Variants in PLGRKT observed in about 807,000 individuals in gnomAD.
The protein encoded by PLGRKT is plasminogen receptor with a C-terminal lysine.
A neutral mutation model predicts 18.5 loss-of-function variants in PLGRKT; 22 were observed. The ratio of observed to expected loss-of-function variants is 1.19; its 90% CI spans 0.85 to 1.70. PLGRKT has a LOEUF of 1.70. Among genes scored for constraint, PLGRKT ranks in the 40% most tolerant of loss-of-function variants. The pLI is 0.00. For missense variants in PLGRKT, 235 were observed against 174.4 expected (o/e 1.35, Z -1.96); for synonymous variants, 72 against 52.8 (o/e 1.36, Z -1.58).
At position 5,418,865 on chromosome 9, in the gene PLGRKT, G is replaced by T; in HGVS notation, c.81+13032C>A. Reference sequence around the variant, plus strand: ...TTCTGGCTGGTCCTCGTCTGCTGGAGGCAAACTGAACAGCAGGTGTGCTTG... The same window carrying T: ...TTCTGGCTGGTCCTCGTCTGCTGGATGCAAACTGAACAGCAGGTGTGCTTG... On this transcript the variant is annotated intron_variant, in intron 3 of 5. Coordinates refer to ENST00000223864, the MANE Select transcript of PLGRKT (RefSeq NM_018465.4). The surrounding 1 kb of genome is among the most constrained non-coding windows in gnomAD (Gnocchi z 4.2). 1 of 1,041,726 alleles carries T rather than the reference G, an allele frequency of 9.6e-7. No individual in the cohort carries two copies. The highest frequency in any genetic ancestry group is 1.5e-6 in the Non-Finnish European group (1 of 670,794). 64.5% of individuals were successfully genotyped at this position (1,041,726 alleles called of 1,614,324 possible).
upstream of PLGRKT, among the ~76,000 whole-genome samples, chr9:5,438,241 C>T (rs1026357844): frequency 6.6e-6 from 1 of 152,222 alleles, no homozygotes; most frequent in Non-Finnish European, 1.5e-5. Context: ...AGCCGTCTTT[C>T]TCCCCTGCTG....
chr9:5,399,509 G>C (rs552640969), intron 3 of PLGRKT, among the ~76,000 whole-genome samples: 3 of 151,788 alleles, frequency 2.0e-5, no homozygotes, highest in South Asian at 4.2e-4. Flanking sequence ...GTGACAGTTA[G>C]TGAATATGAA....
Position 5,361,142 on chromosome 9 carries a change from T to A in PLGRKT, c.258A>T (p.Pro86=). 6.2e-7 allele frequency: 1 copy of A among 1,612,074 alleles called. No homozygotes were observed. Among genetic ancestry groups the A allele is most frequent in the African/African-American group, 1.3e-5 (1 of 74,982 alleles). The stretch of plus-strand genomic sequence containing the variant: ...ACTGGTAGGTGAGGATAAAGCTTAA[T>A]GGAACAATCGGGACCAGGAAGGCTG... ...KKPAFLVPIV[P]LSFILTYQYD... Residue 86 remains proline (P), a synonymous_variant, in exon 5 of 6, where the codon CCA becomes CCT. Transcript: ENST00000223864.
At chr9:5,431,869 A>G (rs1818833106) in intron 3 of PLGRKT, 28 bp downstream of exon 3, 10 of 1,098,546 alleles carry the variant, frequency 9.1e-6, no homozygotes, top group Non-Finnish European at 1.4e-5. Context: ...TTGTAACAAC[A>G]TAATAGCTTA....
chr9:5,411,071 A>G (rs895441312), intron 3 of PLGRKT, among the ~76,000 whole-genome samples: 3 of 152,132 alleles, frequency 2.0e-5, no homozygotes, highest in Non-Finnish European at 4.4e-5. Context: ...CAAATAAGAG[A>G]AAAGAAAGCA....
intron 3 of PLGRKT, among the ~76,000 whole-genome samples, chr9:5,396,515 G>A (rs7024866): frequency 0.36 from 54,918 of 151,504 alleles, 11,806 homozygotes; most frequent in African/African-American, 0.57. Context: ...GGCTGGTCTC[G>A]ATCTCCTAAC....
chr9:5,394,905 C>T (rs1035068306), intron 3 of PLGRKT, among the ~76,000 whole-genome samples: 11 of 151,704 alleles, frequency 7.3e-5, no homozygotes, highest in African/African-American at 1.2e-4. Context: ...CTGACTGCAA[C>T]GGAGCCTCAG....
chr9:5,369,123 A>G (rs1413837409), intron 3 of PLGRKT, among the ~76,000 whole-genome samples: 3 of 152,222 alleles, frequency 2.0e-5, no homozygotes, highest in Admixed American at 6.5e-5. Context: ...TCATCAAACT[A>G]AAGAGCTTCT....
intron 1 of PLGRKT, 176 bp downstream of exon 1, chr9:5,437,613 G>A (rs1818985836): frequency 6.6e-6 from 1 of 152,296 alleles, no homozygotes; most frequent in Non-Finnish European, 1.5e-5. Flanking sequence ...GCGCTCTAAT[G>A]GAACGAAGTT....
chr9:5,377,048 T>C (rs1387837429), intron 3 of PLGRKT, among the ~76,000 whole-genome samples: 1 of 152,196 alleles, frequency 6.6e-6, no homozygotes, highest in Non-Finnish European at 1.5e-5. Context: ...TCAGGCTGCC[T>C]GGGAAGTTAG....
At chr9:5,402,577 G>A (rs1366025280) in intron 3 of PLGRKT, among the ~76,000 whole-genome samples, 1 of 151,894 alleles carries the variant, frequency 6.6e-6, no homozygotes, top group African/African-American at 2.4e-5. Flanking sequence ...AAGGGAATCT[G>A]GGAAATGCAG....
At position 5,410,123 on chromosome 9, in the gene PLGRKT, A is replaced by G. The variant is rs559273514; in HGVS notation, c.81+21774T>C. The stretch of plus-strand genomic sequence containing the variant: ...GCTATTACTGGCCTTAATTGTACCT[A>G]TTCATTTTTCTATTTGTGACTGAAA... On this transcript the variant is annotated intron_variant, in intron 3 of 5. Transcript: ENST00000223864. 1.8e-3 allele frequency among the ~76,000 whole-genome samples: 268 copies of G among 152,322 alleles called. 1 individual carries two copies. Among genetic ancestry groups the G allele is most frequent in the Non-Finnish European group, 1.3e-3 (86 of 68,018 alleles).
intron 3 of PLGRKT, among the ~76,000 whole-genome samples, chr9:5,364,804 G>A (rs542897637): frequency 6.6e-6 from 1 of 152,296 alleles, no homozygotes; most frequent in African/African-American, 2.4e-5. Flanking sequence ...GATGGTGGAA[G>A]CCAGGTTTCT....
intron 3 of PLGRKT, among the ~76,000 whole-genome samples, chr9:5,414,356 G>A (rs945962374): frequency 1.3e-5 from 2 of 152,076 alleles, no homozygotes; most frequent in Non-Finnish European, 2.9e-5. Flanking sequence ...TAGTAGAGAC[G>A]GAGGTTTCAC....
At chr9:5,432,689 G>A (rs1818854183) in intron 2 of PLGRKT, among the ~76,000 whole-genome samples, 1 of 152,206 alleles carries the variant, frequency 6.6e-6, no homozygotes, top group African/African-American at 2.4e-5. Flanking sequence ...GTGGAGACGG[G>A]GTTTTGCCGT....
At chr9:5,403,509 G>C (rs915298269) in intron 3 of PLGRKT, among the ~76,000 whole-genome samples, 1 of 152,216 alleles carries the variant, frequency 6.6e-6, no homozygotes, top group African/African-American at 2.4e-5. Flanking sequence ...ACAGGCGTGA[G>C]CCACCACGCC....
chr9:5,358,240 C>T lies in PLGRKT; in HGVS notation c.443G>A (p.Ter148=). ...KEQSRFFIDK[*] is the part of the protein sequence containing the mutation. ...GAGATTTGATTGGTAAGCATGATTTCATTTGTCTATGAAGAATCTACTCTG... is the reference window on the plus strand; with the variant it reads ...GAGATTTGATTGGTAAGCATGATTTTATTTGTCTATGAAGAATCTACTCTG... Residue 148 remains the stop codon, a stop_retained_variant, in exon 6 of 6, where the codon TGA becomes TAA. Coordinates refer to ENST00000223864, the MANE Select transcript of PLGRKT (RefSeq NM_018465.4). The T allele has an allele frequency of 1.2e-6, 2 of 1,607,794 alleles. No homozygotes were observed. Among genetic ancestry groups the T allele is most frequent in the Non-Finnish European group, 1.7e-6 (2 of 1,175,280 alleles).
chr9:5,374,179 C>A (rs1817582734), intron 3 of PLGRKT, among the ~76,000 whole-genome samples: 1 of 152,190 alleles, frequency 6.6e-6, no homozygotes, highest in East Asian at 1.9e-4. Flanking sequence ...AGAGCAAAAT[C>A]TAATTATAAT....
intron 3 of PLGRKT, among the ~76,000 whole-genome samples, chr9:5,389,673 T>G (rs977758002): frequency 6.6e-6 from 1 of 151,782 alleles, no homozygotes; most frequent in African/African-American, 2.4e-5. Context: ...CACTGAAAGC[T>G]CTCAGAAGGG....
Sources: gnomAD v4.1 joint callset for allele counts (sites outside exome capture counted in the v4.1 genomes callset) on GRCh38, gnomAD v4.1.1 for gene constraint, Gnocchi (gnomAD v3.1) non-coding constraint, MANE v1.5 for transcripts, NCBI Gene and HGNC (gene_info 2026-07-23, HGNC 2026-07-21) for gene names.